The following AREL1 variants were observed in gnomAD, a reference collection of about 807,000 sequenced individuals.
AREL1 encodes the protein apoptosis resistant E3 ubiquitin protein ligase 1, also known as apoptosis-resistant E3 ubiquitin protein ligase 1.
AREL1 carries 62 observed loss-of-function variants against 99.0 expected under a neutral mutation model. That is an observed-to-expected ratio of 0.63 (90% CI 0.51 to 0.77). The LOEUF is 0.77. Ranked by LOEUF, AREL1 falls within the 30% of genes least tolerant of loss-of-function variation. The pLI, the probability that AREL1 is intolerant of heterozygous loss-of-function variation, is 0.00. For synonymous variants in AREL1, 380 were observed against 376.5 expected, an observed-to-expected ratio of 1.01 and a Z score of -0.11; for missense variants, 879 against 1,027.6, an observed-to-expected ratio of 0.86 and a Z score of 1.98.
In AREL1 at chr14:74,671,435, A is replaced by G; in HGVS notation, c.1471T>C (p.Phe491Leu). ...TCTTCATCCTGGAAAACAACCTCAA[A>G]GTTCTTGCTCCAATCTGAGATGGAG... ...NFSISDWSKN[F>L]EVVFQDEEAL... Residue 491 changes from phenylalanine (F) to leucine (L), a missense_variant, in exon 12 of 20, where the codon TTT becomes CTT. By Grantham distance (22) the Phe-to-Leu change is conservative. Transcript: ENST00000356357. 1.9e-6 allele frequency: 3 copies of G among 1,588,422 alleles called. No homozygotes were observed. The highest frequency in any genetic ancestry group is 2.6e-6 in the Non-Finnish European group (3 of 1,170,188).
At chr14:74,670,672 G>T in intron 13 of AREL1, 90 bp downstream of exon 13, 2 of 1,078,838 alleles carry the variant, frequency 1.9e-6, no homozygotes, top group Non-Finnish European at 2.8e-6. Context: ...AGGTTGTCAG[G>T]TTCCCAGATC....
At chr14:74,696,597 C>T (rs1433661034) in intron 1 of AREL1, among the ~76,000 whole-genome samples, 1 of 152,144 alleles carries the variant, frequency 6.6e-6, no homozygotes, top group Non-Finnish European at 1.5e-5. Context: ...GTATTCCCAA[C>T]ACTTTAGGAG....
intron 2 of AREL1, among the ~76,000 whole-genome samples, chr14:74,689,969 T>C (rs1056809638): frequency 2.6e-5 from 4 of 151,702 alleles, no homozygotes; most frequent in African/African-American, 9.7e-5. Flanking sequence ...TCCTCCAGGC[T>C]GGGCATGGTG....
rs1418379015 is a variant in AREL1, at chr14:74,712,846, C to T, written c.-334+87G>A. On this transcript the variant is annotated intron_variant, in intron 1 of 19. Coordinates refer to ENST00000356357, the MANE Select transcript of AREL1 (RefSeq NM_001039479.2). ...TACTGGGCAAACCAGGAGTCTGAAC[C>T]CCCCTACCCTTTTCCTCCCTCTCTC... 1.6e-5 allele frequency: 7 copies of T among 443,104 alleles called. No homozygotes were observed. The East Asian group carries it at 3.3e-4, about 21-fold the overall frequency. The allele number at this position is 443,104 out of a possible 1,614,324, so 27.4% of individuals were successfully genotyped here. A position where few individuals can be genotyped will look rare whatever the true frequency, so the allele number is the denominator to read the frequency against.
chr14:74,669,475 A>T (rs1324913861), intron 15 of AREL1, among the ~76,000 whole-genome samples, 174 bp downstream of exon 15: 1 of 152,196 alleles, frequency 6.6e-6, no homozygotes, highest in Non-Finnish European at 1.5e-5. Context: ...GTAGTTATGT[A>T]AGTATACATT....
Position 74,693,420 on chromosome 14 carries a change from T to G in AREL1, c.-333-1092A>C, listed in dbSNP as rs17102009. On this transcript the variant is annotated intron_variant, in intron 1 of 19. Transcript: ENST00000356357. ...AGTTTATAACTCTCGAAGATATTCA[T>G]GAACCAAAAATGTAGCAGAAAGGGG... is the stretch of plus-strand genomic sequence containing the variant. Among the ~76,000 whole-genome samples, 949 of 152,288 alleles carry G rather than the reference T, an allele frequency of 6.2e-3. 13 individuals are homozygous for G. Among genetic ancestry groups the G allele is most frequent in the Admixed American group, 0.031 (472 of 15,296 alleles).
At chr14:74,665,983 C>A (rs74357502) in intron 17 of AREL1, among the ~76,000 whole-genome samples, 1 of 152,168 alleles carries the variant, frequency 6.6e-6, no homozygotes, top group Non-Finnish European at 1.5e-5. Context: ...CAAAATGTAA[C>A]AAAATTTACC....
intron 3 of AREL1, 97 bp downstream of exon 3, chr14:74,685,503 G>T: frequency 7.2e-7 from 1 of 1,392,138 alleles, no homozygotes; most frequent in Non-Finnish European, 1.0e-6. Flanking sequence ...AATATTTTCA[G>T]CTCCATTTTC....
intron 12 of AREL1, 54 bp downstream of exon 12, chr14:74,671,354 G>C (rs1320086303): frequency 7.0e-6 from 2 of 283,746 alleles, no homozygotes; most frequent in Non-Finnish European, 7.1e-6. Context: ...TTGTGGAGAA[G>C]GTGCGAGTGG....
In AREL1 at chr14:74,713,047, T is replaced by A; in HGVS notation, c.-448A>T. ...TCCCACCAACAGACCCCAGAGTTGGTCTCCACCCGGCCTGGGAACCGGCTC... is the reference window on the plus strand; with the variant it reads ...TCCCACCAACAGACCCCAGAGTTGGACTCCACCCGGCCTGGGAACCGGCTC... On this transcript the variant is annotated 5_prime_UTR_variant, in exon 1 of 20. Coordinates refer to ENST00000356357, the MANE Select transcript of AREL1 (RefSeq NM_001039479.2). 1 of 1,394,772 alleles carries A rather than the reference T, an allele frequency of 7.2e-7. No individual in the cohort carries two copies. The highest frequency in any genetic ancestry group is 1.0e-6 in the Non-Finnish European group (1 of 983,454). 86.4% of individuals were successfully genotyped at this position (1,394,772 alleles called of 1,614,324 possible).
At chr14:74,694,808 T>C (rs371104320) in intron 1 of AREL1, among the ~76,000 whole-genome samples, 42 of 151,888 alleles carry the variant, frequency 2.8e-4, no homozygotes, top group African/African-American at 9.2e-4. Flanking sequence ...GCTAACACGG[T>C]GAAATCCCGT....
chr14:74,675,454 C>T (rs866938905), intron 8 of AREL1, among the ~76,000 whole-genome samples: 1 of 152,210 alleles, frequency 6.6e-6, no homozygotes, highest in South Asian at 2.1e-4. Context: ...CTAATAGTGA[C>T]ATCCATTTAC....
At chr14:74,685,468 G>C (rs189318106) in intron 3 of AREL1, 132 bp downstream of exon 3, 2 of 1,031,936 alleles carry the variant, frequency 1.9e-6, no homozygotes, top group Non-Finnish European at 2.9e-6. Context: ...CCAACTCTGT[G>C]AAGGTACATT....
At chr14:74,685,707 T>C (rs1001286105) in intron 2 of AREL1, 47 bp from the exon 3 acceptor site, 11 of 1,533,678 alleles carry the variant, frequency 7.2e-6, no homozygotes, top group East Asian at 2.3e-5. Flanking sequence ...CTCTGCCTCA[T>C]AGCTATCTCA....
chr14:74,706,910 G>A (rs1009760365), intron 1 of AREL1, among the ~76,000 whole-genome samples: 1 of 152,156 alleles, frequency 6.6e-6, no homozygotes, highest in Non-Finnish European at 1.5e-5. Context: ...CTTCCATAGA[G>A]TTAACAATGC....
intron 1 of AREL1, among the ~76,000 whole-genome samples, chr14:74,694,145 A>C (rs2089935575): frequency 6.6e-6 from 1 of 151,992 alleles, no homozygotes; most frequent in Non-Finnish European, 1.5e-5. Flanking sequence ...ACTGCACTCC[A>C]CCCTGGGCAA....
At chr14:74,707,792 C>A (rs77297305) in intron 1 of AREL1, among the ~76,000 whole-genome samples, 90 of 104,556 alleles carry the variant, frequency 8.6e-4, no homozygotes, top group African/African-American at 8.6e-4. Flanking sequence ...AGATTCGTCT[C>A]AAAAAAAAAA....
Position 74,713,001 on chromosome 14 carries a change from C to T in AREL1, c.-402G>A. On this transcript the variant is annotated 5_prime_UTR_variant, in exon 1 of 20. Coordinates refer to ENST00000356357, the MANE Select transcript of AREL1 (RefSeq NM_001039479.2). ...CCTGGGAAGGGGCGGCAGCACTCAG[C>T]AGAAGACGGGCTCCCCACTCTCCCA... 1 of 862,454 alleles carries T rather than the reference C, an allele frequency of 1.2e-6. No homozygotes were observed. The highest frequency in any genetic ancestry group is 1.9e-6 in the Non-Finnish European group (1 of 519,162). 53.4% of individuals were successfully genotyped at this position (862,454 alleles called of 1,614,324 possible).
chr14:74,704,791 G>A (rs930728939), intron 1 of AREL1, among the ~76,000 whole-genome samples: 4 of 152,176 alleles, frequency 2.6e-5, no homozygotes, highest in South Asian at 4.1e-4. Flanking sequence ...TTTCTTCATA[G>A]TTTGTGGTTT....
Sources: gnomAD v4.1 joint callset for allele counts (sites outside exome capture counted in the v4.1 genomes callset) on GRCh38, gnomAD v4.1.1 for gene constraint, MANE v1.5 for transcripts, NCBI Gene and HGNC (gene_info 2026-07-23, HGNC 2026-07-21) for gene names.